The following SPINK13 variants were observed in gnomAD, a reference collection of about 807,000 sequenced individuals.
The protein encoded by SPINK13 is serine protease inhibitor Kazal-type 13.
SPINK13 carries 11 observed loss-of-function variants against 11.0 expected under a neutral mutation model. The observed-to-expected ratio is 1.00, with a 90% CI of 0.63 to 1.65. The LOEUF is 1.65. SPINK13 is among the 40% of genes most tolerant of loss of function. SPINK13 has a pLI of 0.00. For synonymous variants in SPINK13, 31 were observed against 35.6 expected, an observed-to-expected ratio of 0.87 and a Z score of 0.46; for missense variants, 113 against 117.7, an observed-to-expected ratio of 0.96 and a Z score of 0.19.
intron 2 of SPINK13, 29 bp downstream of exon 2, chr5:148,270,171 A>G: frequency 6.2e-7 from 1 of 1,602,620 alleles, no homozygotes; most frequent in Non-Finnish European, 8.5e-7. Flanking sequence ...TTTGGGAGAT[A>G]AACTCTGATT....
At position 148,286,070 on chromosome 5, in the gene SPINK13, T is replaced by G; in HGVS notation, c.*22T>G. Reference sequence around the variant, plus strand: ...TTAATGGGTACCAGAGTAACTACACTTGCTTATTCTTTTTCTACTTAATTC... The same window carrying G: ...TTAATGGGTACCAGAGTAACTACACGTGCTTATTCTTTTTCTACTTAATTC... On this transcript the variant is annotated 3_prime_UTR_variant, in exon 5 of 5. Transcript: ENST00000398450. 7.3e-7 allele frequency: 1 copy of G among 1,374,652 alleles called. No homozygotes were observed. The highest frequency in any genetic ancestry group is 9.9e-7 in the Non-Finnish European group (1 of 1,008,288). 85.2% of individuals were successfully genotyped at this position (1,374,652 alleles called of 1,614,324 possible).
intron 4 of SPINK13, among the ~76,000 whole-genome samples, chr5:148,284,018 G>T (rs567587244): frequency 6.6e-6 from 1 of 152,284 alleles, no homozygotes; most frequent in South Asian, 2.1e-4. Context: ...CTCACGGAAT[G>T]GTGTTAGCAG....
intron 3 of SPINK13, among the ~76,000 whole-genome samples, chr5:148,277,102 C>G (rs1756442368): frequency 6.6e-6 from 1 of 152,154 alleles, no homozygotes; most frequent in South Asian, 2.1e-4. Flanking sequence ...TATAGGAATG[C>G]TTGTGATTTT....
chr5:148,271,153 A>G (rs997805733), intron 2 of SPINK13, among the ~76,000 whole-genome samples: 2 of 152,232 alleles, frequency 1.3e-5, no homozygotes, highest in African/African-American at 4.8e-5. Context: ...CCTTAAATAC[A>G]TGGTACAAAG....
intron 2 of SPINK13, among the ~76,000 whole-genome samples, 182 bp downstream of exon 2, chr5:148,270,324 G>T (rs1756332272): frequency 6.6e-6 from 1 of 152,068 alleles, no homozygotes; most frequent in South Asian, 2.1e-4. Context: ...TTTTCTACAT[G>T]GTGGAGTCAC....
intron 4 of SPINK13, among the ~76,000 whole-genome samples, chr5:148,284,426 G>A (rs2113377660): frequency 6.6e-6 from 1 of 152,180 alleles, no homozygotes; most frequent in South Asian, 2.1e-4. Flanking sequence ...TAAATGAAGA[G>A]CCCTGCTGGT....
chr5:148,273,346 T>A (rs1196316113), intron 2 of SPINK13, among the ~76,000 whole-genome samples: 1 of 152,284 alleles, frequency 6.6e-6, no homozygotes, highest in East Asian at 1.9e-4. Context: ...AATGAATCTT[T>A]ATGATGAAAA....
At chr5:148,277,183 T>C (rs1454086219) in intron 3 of SPINK13, among the ~76,000 whole-genome samples, 1 of 152,228 alleles carries the variant, frequency 6.6e-6, no homozygotes, top group African/African-American at 2.4e-5. Context: ...TGGGCTGAGA[T>C]GATGGAGTTT....
At chr5:148,280,101 T>C (rs1835913) in intron 3 of SPINK13, among the ~76,000 whole-genome samples, 1 of 152,186 alleles carries the variant, frequency 6.6e-6, no homozygotes, top group African/African-American at 2.4e-5. Flanking sequence ...GTATGCTTCA[T>C]GAAGTTCTCA....
chr5:148,270,212 A>C (rs963450660), intron 2 of SPINK13, 70 bp downstream of exon 2: 1 of 1,513,256 alleles, frequency 6.6e-7, no homozygotes, highest in Non-Finnish European at 9.1e-7. Context: ...AAAACGAGTA[A>C]TTTTTTACTT....
chr5:148,276,845 G>A (rs578074187), intron 3 of SPINK13, among the ~76,000 whole-genome samples: 36 of 152,128 alleles, frequency 2.4e-4, no homozygotes, highest in Non-Finnish European at 4.4e-4. Context: ...GAATAGCATT[G>A]AATCTATAAA....
chr5:148,274,202 T>C (rs1756391226), intron 2 of SPINK13, 145 bp from the exon 3 acceptor site: 2 of 496,408 alleles, frequency 4.0e-6, no homozygotes, highest in South Asian at 8.0e-5. Flanking sequence ...GGAATGTTAC[T>C]GCAAATTCTA....
chr5:148,274,517 G>A, intron 3 of SPINK13, 133 bp downstream of exon 3: 1 of 669,850 alleles, frequency 1.5e-6, no homozygotes, highest in Non-Finnish European at 2.5e-6. Context: ...GGAAGCTGAG[G>A]CAGGAGGATC....
At chr5:148,272,463 G>A (rs1217602716) in intron 2 of SPINK13, among the ~76,000 whole-genome samples, 3 of 152,072 alleles carry the variant, frequency 2.0e-5, no homozygotes, top group Non-Finnish European at 4.4e-5. Context: ...GTTTTAGTAT[G>A]GTTTGTGGAA....
At chr5:148,283,105 A>G (rs780302752) in intron 4 of SPINK13, among the ~76,000 whole-genome samples, 4 of 152,150 alleles carry the variant, frequency 2.6e-5, no homozygotes, top group African/African-American at 4.8e-5. Flanking sequence ...CAGTGGACTC[A>G]CAGAAGCGAT....
intron 3 of SPINK13, among the ~76,000 whole-genome samples, chr5:148,276,744 G>T (rs1756435348): frequency 6.6e-6 from 1 of 152,138 alleles, no homozygotes; most frequent in South Asian, 2.1e-4. Context: ...GCTTAAAATT[G>T]TCTTGGCTGT....
At chr5:148,276,902 C>G (rs1187752551) in intron 3 of SPINK13, among the ~76,000 whole-genome samples, 1 of 152,168 alleles carries the variant, frequency 6.6e-6, no homozygotes, top group Admixed American at 6.5e-5. Context: ...TTCTTCCTAT[C>G]CATGAGTATG....
intron 3 of SPINK13, among the ~76,000 whole-genome samples, chr5:148,275,894 C>A (rs553854517): frequency 6.6e-6 from 1 of 152,184 alleles, no homozygotes; most frequent in African/African-American, 2.4e-5. Context: ...ATCTCCTGAC[C>A]TCGTGGTCTG....
chr5:148,276,224 T>A (rs910580024), intron 3 of SPINK13, among the ~76,000 whole-genome samples: 24 of 152,204 alleles, frequency 1.6e-4, no homozygotes, highest in Non-Finnish European at 2.9e-5. Flanking sequence ...ATTGCAAAAA[T>A]TCTCTCCCAT....
Sources: gnomAD v4.1 joint callset for allele counts (sites outside exome capture counted in the v4.1 genomes callset) on GRCh38, gnomAD v4.1.1 for gene constraint, MANE v1.5 for transcripts, NCBI Gene and HGNC (gene_info 2026-07-23, HGNC 2026-07-21) for gene names.